The following C6 variants were observed in gnomAD, a reference collection of about 807,000 sequenced individuals.
C6 encodes complement component C6.
C6 carries 101 observed loss-of-function variants against 112.9 expected under a neutral mutation model. The ratio of observed to expected loss-of-function variants is 0.89; its 90% CI spans 0.76 to 1.06. C6 has a LOEUF of 1.06. Among genes scored for constraint, C6 ranks in the 50% least tolerant of loss-of-function variants. The pLI is 0.00. For missense variants in C6, 1,202 were observed against 1,104.6 expected (o/e 1.09, Z -1.25); for synonymous variants, 431 against 384.1 (o/e 1.12, Z -1.43).
chr5:41,181,563 G>C lies in C6; in HGVS notation c.727-4C>G, dbSNP rs1027458817. The C allele has an allele frequency of 1.2e-6, 2 of 1,608,536 alleles. No homozygotes were observed. Among genetic ancestry groups the C allele is most frequent in the Non-Finnish European group, 1.7e-6 (2 of 1,175,650 alleles). ...AGTCATCTTCTGCAGTTTGTACCTG[G>C]AGAAAAATCCATGTAAAATAAAATA... On this transcript the variant is annotated splice_polypyrimidine_tract_variant and splice_region_variant and intron_variant, in intron 6 of 17. Transcript: ENST00000337836.
intron 17 of C6, among the ~76,000 whole-genome samples, chr5:41,148,435 C>A (rs1381790775): frequency 6.6e-6 from 1 of 152,148 alleles, no homozygotes; most frequent in Non-Finnish European, 1.5e-5. Flanking sequence ...GACCCAGGGG[C>A]CAATTTTTTT....
intron 1 of C6, among the ~76,000 whole-genome samples, chr5:41,236,971 A>T (rs1278782915): frequency 6.6e-6 from 1 of 151,840 alleles, no homozygotes; most frequent in East Asian, 1.9e-4. Context: ...AAACTAGAAA[A>T]TCTAGAAGAA....
intron 2 of C6, among the ~76,000 whole-genome samples, chr5:41,202,027 A>G (rs906381359): frequency 3.9e-5 from 6 of 152,146 alleles, no homozygotes; most frequent in Non-Finnish European, 8.8e-5. Context: ...TGCACATGTT[A>G]CACCATGAAG....
At position 41,211,245 on chromosome 5, in the gene C6, G is replaced by A. The variant is rs535277698; in HGVS notation, c.-21+2131C>T. The stretch of plus-strand genomic sequence containing the variant: ...TACACCGGGGCCTGTAGTGGGGTGG[G>A]GGTAGGGGAGAGGCATAGCATTAGG... On this transcript the variant is annotated intron_variant, in intron 1 of 17. Coordinates refer to ENST00000337836, the MANE Select transcript of C6 (RefSeq NM_000065.5). 1.2e-3 allele frequency among the ~76,000 whole-genome samples: 188 copies of A among 152,178 alleles called. 1 individual carries two copies. Among genetic ancestry groups the A allele is most frequent in the Non-Finnish European group, 1.4e-3 (96 of 68,010 alleles).
intron 1 of C6, among the ~76,000 whole-genome samples, chr5:41,206,224 C>G (rs1485311019): frequency 1.3e-5 from 2 of 152,166 alleles, no homozygotes; most frequent in Non-Finnish European, 2.9e-5. Flanking sequence ...TGTACGTCAC[C>G]ATCATCAAAG....
At chr5:41,152,603 T>C (rs1746511000) in intron 15 of C6, 1 of 152,166 alleles carries the variant, frequency 6.6e-6, no homozygotes, top group South Asian at 2.1e-4. Context: ...TTCCTAGGTT[T>C]CTTATTCACA....
intron 15 of C6, chr5:41,153,103 T>C (rs895473613): frequency 2.0e-5 from 3 of 152,284 alleles, no homozygotes; most frequent in African/African-American, 7.2e-5. Context: ...CTTTTTCACA[T>C]TGAAAGAATT....
chr5:41,229,420 A>T, intron 1 of C6, among the ~76,000 whole-genome samples: 1 of 149,518 alleles, frequency 6.7e-6, no homozygotes. Context: ...TTTCTTTTTG[A>T]TTTCTTCTTT....
At chr5:41,227,115 C>T (rs1739562942) in intron 1 of C6, among the ~76,000 whole-genome samples, 1 of 152,098 alleles carries the variant, frequency 6.6e-6, no homozygotes, top group African/African-American at 2.4e-5. Context: ...CTCATCAAAA[C>T]TTGTCATCTT....
At chr5:41,259,111 T>C (rs530759819) in intron 1 of C6, among the ~76,000 whole-genome samples, 42 of 152,352 alleles carry the variant, frequency 2.8e-4, no homozygotes, top group Non-Finnish European at 4.0e-4. Context: ...AGTTTCATTT[T>C]AAAAGCTTTA....
intron 2 of C6, 113 bp downstream of exon 2, chr5:41,202,975 T>C: frequency 9.6e-7 from 1 of 1,039,166 alleles, no homozygotes; most frequent in Non-Finnish European, 1.5e-6. Context: ...ATTTGTAAGT[T>C]CTTACTTTGA....
chr5:41,149,600 C>T, intron 16 of C6, 118 bp from the exon 17 acceptor site: 2 of 1,281,442 alleles, frequency 1.6e-6, no homozygotes, highest in East Asian at 2.3e-5. Context: ...TTTCCCCACC[C>T]CACTCCAAGC....
chr5:41,160,001 T>A lies in C6; in HGVS notation c.1684+141A>T, dbSNP rs1747319933. 5 of 715,636 alleles carry A rather than the reference T, an allele frequency of 7.0e-6. No individual in the cohort carries two copies. In the Admixed American group the frequency reaches 1.1e-4, roughly 15 times the overall value. 44.3% of individuals were successfully genotyped at this position (715,636 alleles called of 1,614,324 possible). On this transcript the variant is annotated intron_variant, in intron 11 of 17. Transcript: ENST00000337836. ...GGTAGGTTACAGCTGAGACTCACAC[T>A]TTTTGCAGGTTTATCTTCCCTCTGA...
At chr5:41,185,998 T>A in intron 6 of C6, 72 bp downstream of exon 6, 1 of 1,575,600 alleles carries the variant, frequency 6.3e-7, no homozygotes, top group African/African-American at 1.3e-5. Flanking sequence ...CATTCATCAC[T>A]AATTTTGCAT....
At chr5:41,211,318 C>CTGGCAT (rs1751906215) in intron 1 of C6, among the ~76,000 whole-genome samples, 1 of 151,116 alleles carries the variant, frequency 6.6e-6, no homozygotes, top group South Asian at 2.1e-4. Flanking sequence ...AGTACACCAA[C>CTGGCAT]ATGGCATATG....
chr5:41,147,690 T>G (rs1745964405), intron 17 of C6, among the ~76,000 whole-genome samples: 1 of 152,202 alleles, frequency 6.6e-6, no homozygotes, highest in African/African-American at 2.4e-5. Context: ...TAAGATAATT[T>G]TTTTGGAAAA....
chr5:41,218,076 T>G (rs1738889937), upstream of C6, among the ~76,000 whole-genome samples: 1 of 152,166 alleles, frequency 6.6e-6, no homozygotes, highest in African/African-American at 2.4e-5. Context: ...ATTTACTGAT[T>G]ATATACCAGG....
intron 1 of C6, among the ~76,000 whole-genome samples, chr5:41,256,210 C>A (rs1741689400): frequency 6.6e-6 from 1 of 151,722 alleles, no homozygotes; most frequent in Non-Finnish European, 1.5e-5. Context: ...TGGGTTGGTT[C>A]CAAGTCTTTG....
intron 1 of C6, among the ~76,000 whole-genome samples, chr5:41,220,876 G>A (rs1440348759): frequency 6.6e-6 from 1 of 151,704 alleles, no homozygotes; most frequent in Non-Finnish European, 1.5e-5. Flanking sequence ...GACCCAATAG[G>A]CCCCAATGTC....
Sources: allele counts gnomAD v4.1 joint callset (sites outside exome capture counted in the v4.1 genomes callset), GRCh38; gene constraint gnomAD v4.1.1; transcripts MANE v1.5; gene names NCBI Gene and HGNC (gene_info 2026-07-23, HGNC 2026-07-21).